The following PTPN14 variants were observed in gnomAD, a reference collection of about 807,000 sequenced individuals.
PTPN14 encodes protein tyrosine phosphatase non-receptor type 14.
A neutral mutation model predicts 126.8 loss-of-function variants in PTPN14; 53 were observed. The observed-to-expected ratio is 0.42, with a 90% CI of 0.34 to 0.53. The LOEUF is 0.53. Among genes scored for constraint, PTPN14 ranks in the 20% least tolerant of loss-of-function variants. PTPN14 has a pLI of 0.08. For missense variants in PTPN14, 1,257 were observed against 1,552.9 expected (o/e 0.81, Z 3.20); for synonymous variants, 630 against 599.3 (o/e 1.05, Z -0.75).
intron 10 of PTPN14, among the ~76,000 whole-genome samples, chr1:214,392,194 AAGAG>A (rs981847649): frequency 6.6e-5 from 10 of 151,364 alleles, no homozygotes; most frequent in Non-Finnish European, 1.5e-4. Context: ...GAGAGAGAGA[AAGAG>A]AGAGAGAGAG....
At chr1:214,550,585 G>T (rs1656084270) in intron 1 of PTPN14, among the ~76,000 whole-genome samples, 1 of 152,226 alleles carries the variant, frequency 6.6e-6, no homozygotes, top group South Asian at 2.1e-4. Flanking sequence ...AGTTTGAGGT[G>T]AAGACCTGAT....
chr1:214,402,974 T>C (rs369069055), intron 5 of PTPN14, 21 bp from the exon 6 acceptor site: 1 of 1,610,678 alleles, frequency 6.2e-7, no homozygotes, highest in African/African-American at 1.3e-5. Context: ...AGAAAGTGCT[T>C]AAGGTCACAT....
chr1:214,410,210 G>A (rs963378527), intron 5 of PTPN14, among the ~76,000 whole-genome samples: 3 of 151,526 alleles, frequency 2.0e-5, no homozygotes, highest in East Asian at 1.9e-4. Context: ...GCAAGAAATC[G>A]CTGCCCAGAC....
At chr1:214,456,111 G>A (rs886861645) in intron 2 of PTPN14, among the ~76,000 whole-genome samples, 53 of 128,152 alleles carry the variant, frequency 4.1e-4, no homozygotes, top group African/African-American at 1.3e-3. Flanking sequence ...TTGTGACAAT[G>A]GCACAGACTA....
At chr1:214,546,009 A>G (rs1055228342) in intron 1 of PTPN14, among the ~76,000 whole-genome samples, 5 of 152,216 alleles carry the variant, frequency 3.3e-5, no homozygotes, top group Non-Finnish European at 5.9e-5. Flanking sequence ...ATACGAGGCC[A>G]TTAACCAAGC....
chr1:214,440,347 G>T (rs1660010775), intron 3 of PTPN14, among the ~76,000 whole-genome samples: 1 of 152,190 alleles, frequency 6.6e-6, no homozygotes, highest in African/African-American at 2.4e-5. Context: ...AATAGGCTGT[G>T]TTTGTTTAAG....
intron 3 of PTPN14, among the ~76,000 whole-genome samples, chr1:214,418,907 G>A (rs960012949): frequency 7.2e-5 from 11 of 152,342 alleles, no homozygotes; most frequent in Middle Eastern, 3.4e-3. Flanking sequence ...TGGAGGGATA[G>A]AAGTAAAATC....
At chr1:214,465,487 G>A (rs1008533457) in intron 1 of PTPN14, among the ~76,000 whole-genome samples, 7 of 152,070 alleles carry the variant, frequency 4.6e-5, no homozygotes, top group South Asian at 4.2e-4. Flanking sequence ...CAGGCATGAT[G>A]GCGTGTGCCT....
At chr1:214,360,303 A>C (rs758659059) in intron 18 of PTPN14, among the ~76,000 whole-genome samples, 5 of 152,238 alleles carry the variant, frequency 3.3e-5, no homozygotes, top group Non-Finnish European at 5.9e-5. Context: ...TGCATATCAC[A>C]AACTTGCGAC....
intron 1 of PTPN14, among the ~76,000 whole-genome samples, chr1:214,466,934 A>G (rs1660653044): frequency 6.6e-6 from 1 of 152,216 alleles, no homozygotes; most frequent in African/African-American, 2.4e-5. Flanking sequence ...ACCCTGCAAC[A>G]TAGCAAAACA....
At chr1:214,485,006 T>C (rs1036259021) in intron 1 of PTPN14, among the ~76,000 whole-genome samples, 5 of 152,194 alleles carry the variant, frequency 3.3e-5, no homozygotes, top group Admixed American at 3.3e-4. Flanking sequence ...CAAAAATGTG[T>C]TCAACAAAGA....
Position 214,349,151 on chromosome 1 carries a change from G to A in PTPN14, c.*8771C>T, listed in dbSNP as rs974042470. ...CTTACAACTACAGTTTGGTAGTAAG[G>A]AGACTGGGCTTCCATCTTGCAAGGT... is the stretch of plus-strand genomic sequence containing the variant. On this transcript the variant is annotated 3_prime_UTR_variant, in exon 19 of 19. Transcript: ENST00000366956. 6.6e-5 allele frequency: 10 copies of A among 152,198 alleles called. No individual in the cohort carries two copies. The highest frequency in any genetic ancestry group is 2.4e-4 in the African/African-American group (10 of 41,452). The allele number at this position is 152,198 out of a possible 1,614,324, so 9.4% of individuals were successfully genotyped here. A position where few individuals can be genotyped will look rare whatever the true frequency, so the allele number is the denominator to read the frequency against.
At chr1:214,484,785 T>C (rs889838499) in intron 1 of PTPN14, among the ~76,000 whole-genome samples, 11 of 152,262 alleles carry the variant, frequency 7.2e-5, no homozygotes, top group African/African-American at 2.6e-4. Flanking sequence ...TCCATGCAGA[T>C]GGGAACAGAA....
At chr1:214,403,493 G>A (rs1000537659) in intron 5 of PTPN14, among the ~76,000 whole-genome samples, 4 of 152,130 alleles carry the variant, frequency 2.6e-5, no homozygotes, top group African/African-American at 7.2e-5. Flanking sequence ...TCTCCAGAGA[G>A]CTCTGTAAGG....
intron 1 of PTPN14, among the ~76,000 whole-genome samples, chr1:214,509,250 C>T (rs923577355): frequency 6.6e-6 from 1 of 152,240 alleles, no homozygotes; most frequent in Non-Finnish European, 1.5e-5. Flanking sequence ...CCACCTTCAT[C>T]AGTGATCTTA....
In PTPN14 at chr1:214,383,553, G is replaced by A; in HGVS notation, c.2302C>T (p.Gln768Ter). The A allele has an allele frequency of 6.2e-7, 1 of 1,613,860 alleles. No homozygotes were observed. The highest frequency in any genetic ancestry group is 8.5e-7 in the Non-Finnish European group (1 of 1,179,942). The change falls in exon 13 of 19, where the codon CAA (glutamine) becomes TAA (stop). Residue 768 changes from glutamine to a stop codon, truncating the protein, a stop_gained. Coordinates refer to ENST00000366956, the MANE Select transcript of PTPN14 (RefSeq NM_005401.5). LOFTEE classifies it high-confidence loss of function. The surrounding 1 kb of genome is among the most constrained non-coding windows in gnomAD (Gnocchi z 4.4). ...GCCATGGCGGGAGGAAGGCTGGCTT[G>A]GTCCTGCCTCAGAGCCCCATTGCTC... ...SVSNGALRQDQASLPPAMARA... is the reference protein window; with the variant it reads ...SVSNGALRQD
At chr1:214,549,306 G>A (rs1656046666) in intron 1 of PTPN14, among the ~76,000 whole-genome samples, 1 of 152,160 alleles carries the variant, frequency 6.6e-6, no homozygotes, top group South Asian at 2.1e-4. Context: ...AGGATTTGCT[G>A]AATCCTGGGC....
At position 214,364,602 on chromosome 1, in the gene PTPN14, C is replaced by G. The variant is rs549825537; in HGVS notation, c.3345G>C (p.Pro1115=). ...SMLEGTKNRH[P]PIVVHCSAGV... is the part of the protein sequence containing the mutation. ...CAGCACTACAGTGGACCACGATGGG[C>G]GGGTGCCGGTTCTTGGTGCCTTCCA... The change falls in exon 18 of 19, where the codon CCG becomes CCC. Residue 1115 remains proline (P), a synonymous_variant. Transcript: ENST00000366956. This position sits in a 1 kb window ranked among gnomAD's most constrained non-coding sequence, Gnocchi z 4.1. 6 of 1,613,902 alleles carry G rather than the reference C, an allele frequency of 3.7e-6. No individual in the cohort carries two copies. The East Asian group carries it at 1.3e-4, about 36-fold the overall frequency.
At chr1:214,481,797 A>G (rs1321421486) in intron 1 of PTPN14, among the ~76,000 whole-genome samples, 4 of 151,944 alleles carry the variant, frequency 2.6e-5, no homozygotes, top group African/African-American at 9.7e-5. Context: ...CATCCTGGCT[A>G]ACACAGTGAA....
Sources: gnomAD v4.1 joint callset for allele counts (sites outside exome capture counted in the v4.1 genomes callset) on GRCh38, gnomAD v4.1.1 for gene constraint, Gnocchi (gnomAD v3.1) non-coding constraint, MANE v1.5 for transcripts, NCBI Gene and HGNC (gene_info 2026-07-23, HGNC 2026-07-21) for gene names.